RALYL: variants seen among roughly 807,000 people sequenced by gnomAD.
RALYL encodes RALY RNA binding protein like.
In RALYL, 29 loss-of-function variants were observed where a neutral mutation model predicts 35.1. That is an observed-to-expected ratio of 0.83 (90% confidence interval 0.61 to 1.13). The LOEUF is 1.13. RALYL is among the 50% of genes most tolerant of loss of function. The probability of loss-of-function intolerance (pLI) is 0.00; values close to 1 mark genes in which losing one functional copy is unlikely to be tolerated. For missense variants in RALYL, 359 were observed against 360.4 expected (o/e 1.00, Z 0.03); for synonymous variants, 120 against 127.6 (o/e 0.94, Z 0.40).
intron 4 of RALYL, among the ~76,000 whole-genome samples, chr8:84,842,683 C>A (rs886706990): frequency 3.3e-5 from 5 of 152,100 alleles, no homozygotes; most frequent in Non-Finnish European, 1.5e-5. Context: ...AATTTTAGAC[C>A]AATATCCTTG....
At chr8:84,568,044 T>C (rs2061909248) in intron 2 of RALYL, among the ~76,000 whole-genome samples, 1 of 151,764 alleles carries the variant, frequency 6.6e-6, no homozygotes, top group South Asian at 2.1e-4. Context: ...TCCCAGTTTT[T>C]TTTTAAATTT....
At chr8:84,887,872 G>A in intron 8 of RALYL, 96 bp downstream of exon 8, 1 of 1,166,654 alleles carries the variant, frequency 8.6e-7, no homozygotes, top group Non-Finnish European at 1.2e-6. Context: ...ATCATTTGGG[G>A]CTTATTTCTC....
intron 2 of RALYL, among the ~76,000 whole-genome samples, chr8:84,763,191 A>C (rs1223413830): frequency 6.6e-6 from 1 of 152,194 alleles, no homozygotes; most frequent in Admixed American, 6.6e-5. Flanking sequence ...AATTAAGTCC[A>C]TATATACGCG....
intron 1 of RALYL, among the ~76,000 whole-genome samples, chr8:84,357,733 T>G (rs893601633): frequency 7.3e-6 from 1 of 137,416 alleles, no homozygotes; most frequent in African/African-American, 2.7e-5. Context: ...ACCTTTTTCC[T>G]TATTCATTCT....
At chr8:84,563,056 C>T (rs1317748977) in intron 2 of RALYL, among the ~76,000 whole-genome samples, 1 of 151,860 alleles carries the variant, frequency 6.6e-6, no homozygotes. Context: ...CTGATGACCC[C>T]TTTGTAACAG....
chr8:84,236,790 GA>G (rs1165566148), intron 1 of RALYL, among the ~76,000 whole-genome samples: 3 of 151,998 alleles, frequency 2.0e-5, no homozygotes, highest in East Asian at 1.9e-4. Context: ...AAATGCAAAG[GA>G]AAAAGCTGGA....
chr8:84,774,662 G>A lies in RALYL; in HGVS notation c.332+8G>A, dbSNP rs892219674. ...CCTTTCTGCACTTTACAGGTAAGTA[G>A]ATAAGCACTGTTTTACTCTATATAT... On this transcript the variant is annotated splice_region_variant and intron_variant, in intron 3 of 8. Coordinates refer to ENST00000521268, the MANE Select transcript of RALYL (RefSeq NM_173848.7). 4 of 1,593,550 alleles carry A rather than the reference G, an allele frequency of 2.5e-6. No individual in the cohort carries two copies. The African/African-American group carries it at 5.4e-5, about 21-fold the overall frequency.
chr8:84,589,563 A>G (rs1812768513), intron 2 of RALYL, among the ~76,000 whole-genome samples: 1 of 152,220 alleles, frequency 6.6e-6, no homozygotes, highest in Non-Finnish European at 1.5e-5. Flanking sequence ...ATTCACTGTG[A>G]AAAATATATT....
chr8:84,299,782 T>A (rs1699353113), intron 1 of RALYL, among the ~76,000 whole-genome samples: 1 of 151,854 alleles, frequency 6.6e-6, no homozygotes, highest in African/African-American at 2.4e-5. Flanking sequence ...TTCTGCAGGG[T>A]TTTTTGTGTT....
intron 2 of RALYL, among the ~76,000 whole-genome samples, chr8:84,631,374 T>C (rs1047781617): frequency 2.0e-5 from 3 of 152,010 alleles, no homozygotes; most frequent in African/African-American, 7.2e-5. Flanking sequence ...AGCCTTTTAG[T>C]GTTTGGAAAT....
At chr8:84,564,070 T>A (rs1175838486) in intron 2 of RALYL, among the ~76,000 whole-genome samples, 1 of 151,780 alleles carries the variant, frequency 6.6e-6, no homozygotes, top group Non-Finnish European at 1.5e-5. Flanking sequence ...TATTATCTTA[T>A]AATGGTTTTA....
chr8:84,368,628 T>G (rs1243962321), intron 1 of RALYL, among the ~76,000 whole-genome samples: 1 of 152,148 alleles, frequency 6.6e-6, no homozygotes, highest in Non-Finnish European at 1.5e-5. Context: ...GCAGACAAGA[T>G]AAGAGAACTT....
intron 1 of RALYL, among the ~76,000 whole-genome samples, chr8:84,460,826 C>T (rs2050685384): frequency 6.6e-6 from 1 of 151,044 alleles, no homozygotes; most frequent in African/African-American, 2.4e-5. Flanking sequence ...ATAGATATAA[C>T]AAATATAAGC....
intron 1 of RALYL, among the ~76,000 whole-genome samples, chr8:84,497,700 G>A (rs1277161537): frequency 1.9e-4 from 26 of 138,694 alleles, no homozygotes; most frequent in East Asian, 1.3e-3. Context: ...GGAGTGCAGT[G>A]GCATGATCTC....
chr8:84,621,143 G>C (rs1314138174), intron 2 of RALYL, among the ~76,000 whole-genome samples: 1 of 152,196 alleles, frequency 6.6e-6, no homozygotes, highest in South Asian at 2.1e-4. Context: ...TGGCTGCTCT[G>C]TTTACCTAAG....
intron 4 of RALYL, among the ~76,000 whole-genome samples, chr8:84,832,773 C>T (rs779870182): frequency 6.6e-5 from 10 of 152,068 alleles, no homozygotes; most frequent in African/African-American, 9.7e-5. Flanking sequence ...AAAGAATCCC[C>T]AACAAATAGT....
At chr8:84,738,876 A>G (rs946574181) in intron 2 of RALYL, among the ~76,000 whole-genome samples, 1 of 152,038 alleles carries the variant, frequency 6.6e-6, no homozygotes, top group Non-Finnish European at 1.5e-5. Context: ...GAGACTTAAT[A>G]TCAATTATTT....
At chr8:84,556,781 A>G (rs1489007541) in intron 2 of RALYL, among the ~76,000 whole-genome samples, 2 of 152,052 alleles carry the variant, frequency 1.3e-5, no homozygotes, top group Non-Finnish European at 2.9e-5. Context: ...TTTTTTTGAC[A>G]ACAGCATGTT....
chr8:84,705,503 G>A (rs922759194), intron 2 of RALYL, among the ~76,000 whole-genome samples: 1 of 152,146 alleles, frequency 6.6e-6, no homozygotes, highest in African/African-American at 2.4e-5. Flanking sequence ...CTAAAATTGA[G>A]AATTGCTTTA....
Sources: gnomAD v4.1 joint callset for allele counts (sites outside exome capture counted in the v4.1 genomes callset) on GRCh38, gnomAD v4.1.1 for gene constraint, MANE v1.5 for transcripts, NCBI Gene and HGNC (gene_info 2026-07-23, HGNC 2026-07-21) for gene names.